RABGAP1: variants seen among roughly 807,000 people sequenced by gnomAD.
The protein encoded by RABGAP1 is RAB GTPase activating protein 1.
Under a neutral mutation model 137.6 loss-of-function variants are expected in RABGAP1, and 23 were observed. That is an observed-to-expected ratio of 0.17 (90% CI 0.12 to 0.24). The LOEUF is 0.24. Ranked by LOEUF, RABGAP1 falls within the 10% of genes least tolerant of loss-of-function variation. RABGAP1 has a pLI of 1.00. For missense variants in RABGAP1, 906 were observed against 1,275.8 expected, an observed-to-expected ratio of 0.71 and a Z score of 4.42; for synonymous variants, 451 against 450.7, an observed-to-expected ratio of 1.00 and a Z score of -0.01.
chr9:122,938,163 C>G (rs1224322375), upstream of RABGAP1: 1 of 152,170 alleles, frequency 6.6e-6, no homozygotes, highest in Non-Finnish European at 1.5e-5. Context: ...TTACCTCCTG[C>G]TTCCTTAGCT....
intron 13 of RABGAP1, among the ~76,000 whole-genome samples, chr9:123,021,477 C>A (rs1448869573): frequency 6.6e-6 from 1 of 151,932 alleles, no homozygotes; most frequent in Non-Finnish European, 1.5e-5. Context: ...GTGCGCACCA[C>A]CATGCCTAAT....
At chr9:123,008,639 A>G (rs966718960) in intron 10 of RABGAP1, among the ~76,000 whole-genome samples, 3 of 152,170 alleles carry the variant, frequency 2.0e-5, no homozygotes, top group Non-Finnish European at 4.4e-5. Context: ...ACAAAACAAA[A>G]ATTTTAAATT....
intron 13 of RABGAP1, among the ~76,000 whole-genome samples, chr9:123,064,799 C>G (rs1411612921): frequency 1.3e-5 from 2 of 152,188 alleles, no homozygotes; most frequent in East Asian, 3.8e-4. Flanking sequence ...GATATTTTCC[C>G]ATAGCCTGTT....
chr9:122,962,045 G>A (rs1457660948), intron 2 of RABGAP1, among the ~76,000 whole-genome samples: 1 of 152,132 alleles, frequency 6.6e-6, no homozygotes, highest in Non-Finnish European at 1.5e-5. Flanking sequence ...AGTAATAATT[G>A]TGACAATGTA....
At chr9:122,971,197 A>G (rs907040633) in intron 2 of RABGAP1, among the ~76,000 whole-genome samples, 3 of 152,254 alleles carry the variant, frequency 2.0e-5, no homozygotes, top group Admixed American at 1.3e-4. Flanking sequence ...AAGGAAACTT[A>G]CATTTCTTAG....
At position 123,097,760 on chromosome 9, in the gene RABGAP1, C is replaced by T; in HGVS notation, c.2648C>T (p.Ala883Val). 1 of 1,610,296 alleles carries T rather than the reference C, an allele frequency of 6.2e-7. No individual in the cohort carries two copies. The highest frequency in any genetic ancestry group is 8.5e-7 in the Non-Finnish European group (1 of 1,179,052). ...TTTCAGGCTGAGGAAAAGGCAGATG[C>T]TCTGAATAAGGAGCTGCTGATGACC... Reference protein sequence around the residue: ...DLDNAEEKADALNKELLMTKQ... With the variant: ...DLDNAEEKADVLNKELLMTKQ... Residue 883 changes from alanine (A) to valine (V), a missense_variant, in exon 22 of 26, where the codon GCT becomes GTT. Transcript: ENST00000373647.
chr9:123,103,301 C>G lies in RABGAP1; in HGVS notation c.*88C>G. The G allele has an allele frequency of 5.1e-6, 8 of 1,563,910 alleles. No homozygotes were observed. Among genetic ancestry groups the G allele is most frequent in the Non-Finnish European group, 6.1e-6 (7 of 1,153,402 alleles). ...AGATGTGTGATTCTGTGACTTGTCC[C>G]AGGACCAGAATGTACCTAAGTCAGA... On this transcript the variant is annotated 3_prime_UTR_variant, in exon 26 of 26. Coordinates refer to ENST00000373647, the MANE Select transcript of RABGAP1 (RefSeq NM_012197.4).
chr9:122,985,430 G>A (rs600967), intron 3 of RABGAP1, among the ~76,000 whole-genome samples: 114,461 of 151,958 alleles, frequency 0.75, 45,106 homozygotes, highest in Middle Eastern at 0.89. Context: ...TGGCCAACAT[G>A]GTGAAACCCT....
intron 13 of RABGAP1, among the ~76,000 whole-genome samples, chr9:123,053,539 C>G (rs113451455): frequency 0.023 from 3,490 of 152,190 alleles, 142 homozygotes; most frequent in African/African-American, 0.08. Context: ...TTCTGATAAG[C>G]AGTAGCTGAC....
intron 15 of RABGAP1, 66 bp from the exon 16 acceptor site, chr9:123,073,486 C>A (rs1217168565): frequency 6.5e-7 from 1 of 1,550,066 alleles, no homozygotes; most frequent in East Asian, 2.3e-5. Context: ...CCTGAGAAAA[C>A]TTCTGTATGT....
At chr9:122,945,993 A>G (rs1349272435) in intron 1 of RABGAP1, 1 of 152,172 alleles carries the variant, frequency 6.6e-6, no homozygotes, top group Admixed American at 6.5e-5. Context: ...ATTTTTTAAG[A>G]CTACTAAAGT....
At chr9:122,986,459 G>A (rs1836375046) in intron 4 of RABGAP1, 40 bp downstream of exon 4, 1 of 1,576,784 alleles carries the variant, frequency 6.3e-7, no homozygotes, top group Non-Finnish European at 8.7e-7. Flanking sequence ...ATTTACATCA[G>A]ATCTCTGACC....
intron 13 of RABGAP1, chr9:123,035,261 TCAG>T (rs1207012621): frequency 1.2e-6 from 2 of 1,614,198 alleles, no homozygotes; most frequent in East Asian, 4.5e-5. Context: ...CAAGCCCGCT[TCAG>T]CAGCCAGAGT....
Position 123,061,417 on chromosome 9 carries a change from C to T in RABGAP1, c.1795-3931C>T, listed in dbSNP as rs141288506. ...GGCATGAGCTACTGCGCCTGGCATG[C>T]GCTTGCTTTTATAAATAAAGTTTTG... On this transcript the variant is annotated intron_variant, in intron 13 of 25. Transcript: ENST00000373647. Among the ~76,000 whole-genome samples, 12 of 152,226 alleles carry T rather than the reference C, an allele frequency of 7.9e-5. No homozygotes were observed. In the East Asian group the frequency reaches 1.5e-3, roughly 20 times the overall value.
intron 11 of RABGAP1, among the ~76,000 whole-genome samples, chr9:123,012,321 A>G (rs2030876697): frequency 6.6e-6 from 1 of 152,248 alleles, no homozygotes; most frequent in Non-Finnish European, 1.5e-5. Context: ...TTAAGATGAC[A>G]GAGTGGGTAA....
chr9:123,099,106 G>A (rs552586047), intron 23 of RABGAP1, among the ~76,000 whole-genome samples: 5 of 152,270 alleles, frequency 3.3e-5, no homozygotes, highest in Admixed American at 2.6e-4. Context: ...TCAGAATTAC[G>A]AACTTTTGTT....
intron 6 of RABGAP1, among the ~76,000 whole-genome samples, chr9:122,991,580 A>G (rs1836722735): frequency 6.6e-6 from 1 of 150,568 alleles, no homozygotes; most frequent in East Asian, 1.9e-4. Flanking sequence ...CTTTCTAATT[A>G]GATAGATTTC....
chr9:123,022,293 A>G (rs2031688647), intron 13 of RABGAP1, among the ~76,000 whole-genome samples: 1 of 152,224 alleles, frequency 6.6e-6, no homozygotes, highest in Non-Finnish European at 1.5e-5. Context: ...TAGAAAAGGA[A>G]CCTGGTAGTT....
chr9:122,946,852 C>T (rs780131995), intron 1 of RABGAP1, among the ~76,000 whole-genome samples: 1 of 152,118 alleles, frequency 6.6e-6, no homozygotes, highest in Non-Finnish European at 1.5e-5. Flanking sequence ...CTGTTTTATG[C>T]ACATTTCATC....
Sources: gnomAD v4.1 joint callset for allele counts (sites outside exome capture counted in the v4.1 genomes callset) on GRCh38, gnomAD v4.1.1 for gene constraint, MANE v1.5 for transcripts, NCBI Gene and HGNC (gene_info 2026-07-23, HGNC 2026-07-21) for gene names.